Variants in PGCKA1 observed in about 807,000 individuals in gnomAD.
The protein encoded by PGCKA1 is PDCD10 and GCKIII kinases-associated protein 1.
the PGCKA1 span, among the ~76,000 whole-genome samples, chr4:37,504,199 C>T: frequency 2.0e-5 from 3 of 151,974 alleles, no homozygotes; most frequent in East Asian, 1.9e-4. Context: ...TCATTGCCAA[C>T]GTACACTCTT....
the PGCKA1 span, among the ~76,000 whole-genome samples, chr4:37,546,456 G>A: frequency 6.6e-6 from 1 of 152,234 alleles, no homozygotes; most frequent in African/African-American, 2.4e-5. Flanking sequence ...ACCAGTGCAT[G>A]AAACACCTGT....
the PGCKA1 span, among the ~76,000 whole-genome samples, chr4:37,585,040 A>T: frequency 7.4e-6 from 1 of 134,528 alleles, no homozygotes. Flanking sequence ...TATCCTCCTG[A>T]CTAGTTGTTG....
the PGCKA1 span, among the ~76,000 whole-genome samples, chr4:37,466,281 A>C: frequency 6.6e-6 from 1 of 152,200 alleles, no homozygotes; most frequent in South Asian, 2.1e-4. Flanking sequence ...TGAAATATTA[A>C]TGAAATATAA....
At chr4:37,530,923 T>G in the PGCKA1 span, among the ~76,000 whole-genome samples, 2 of 152,000 alleles carry the variant, frequency 1.3e-5, no homozygotes, top group Non-Finnish European at 1.5e-5. Flanking sequence ...AGGCAGAGGT[T>G]GCAGTGAGCC....
chr4:37,535,238 G>A, the PGCKA1 span, among the ~76,000 whole-genome samples: 9 of 152,146 alleles, frequency 5.9e-5, no homozygotes, highest in Non-Finnish European at 1.0e-4. Context: ...TGAAAGAATC[G>A]AGGGCTGGGC....
chr4:37,496,845 T>C, the PGCKA1 span, among the ~76,000 whole-genome samples: 1 of 152,222 alleles, frequency 6.6e-6, no homozygotes, highest in Non-Finnish European at 1.5e-5. Context: ...AGGTATTTTA[T>C]TCTTTTTGTG....
At chr4:37,479,646 C>T in the PGCKA1 span, among the ~76,000 whole-genome samples, 62,742 of 151,930 alleles carry the variant, frequency 0.41, 13,111 homozygotes, top group East Asian at 0.49. Flanking sequence ...TGCAAAGGCT[C>T]GGTGGCAGGC....
At chr4:37,533,477 C>G in the PGCKA1 span, among the ~76,000 whole-genome samples, 1 of 152,214 alleles carries the variant, frequency 6.6e-6, no homozygotes, top group East Asian at 1.9e-4. Flanking sequence ...ATCGTTTCCA[C>G]AAACTATGTT....
At chr4:37,590,735 A>G in the PGCKA1 span, 3 of 1,614,214 alleles carry the variant, frequency 1.9e-6, no homozygotes, top group Non-Finnish European at 2.5e-6. Flanking sequence ...GTGGGGGAGC[A>G]TGGTTTGAAT....
chr4:37,505,392 T>C, the PGCKA1 span, among the ~76,000 whole-genome samples: 1 of 152,220 alleles, frequency 6.6e-6, no homozygotes, highest in Non-Finnish European at 1.5e-5. Flanking sequence ...TTTTTGTTTT[T>C]GATGTGTCTT....
At chr4:37,522,050 T>C in the PGCKA1 span, among the ~76,000 whole-genome samples, 12,522 of 152,266 alleles carry the variant, frequency 0.082, 658 homozygotes, top group Middle Eastern at 0.14. Flanking sequence ...CAAGATTCCA[T>C]TGGGTCTCAC....
At chr4:37,547,912 T>G in the PGCKA1 span, among the ~76,000 whole-genome samples, 1 of 151,184 alleles carries the variant, frequency 6.6e-6, no homozygotes, top group Non-Finnish European at 1.5e-5. Flanking sequence ...TAACATGTAT[T>G]ATGGTAACTT....
chr4:37,553,417 C>A, the PGCKA1 span, among the ~76,000 whole-genome samples: 4 of 152,100 alleles, frequency 2.6e-5, no homozygotes, highest in Non-Finnish European at 4.4e-5. Context: ...CTTAGAAGGA[C>A]TTCTTTGTAT....
chr4:37,505,966 C>T, the PGCKA1 span, among the ~76,000 whole-genome samples: 3 of 152,174 alleles, frequency 2.0e-5, no homozygotes, highest in African/African-American at 4.8e-5. Context: ...TCTCATTAAT[C>T]GTTATTGGTC....
the PGCKA1 span, among the ~76,000 whole-genome samples, chr4:37,583,658 C>T: frequency 3.3e-5 from 5 of 152,100 alleles, no homozygotes; most frequent in East Asian, 7.7e-4. Context: ...AGGATGGTCT[C>T]GATCTCCTGA....
At chr4:37,459,666 ATCAGAACCTGCATTTTAACAGGATC>A in the PGCKA1 span, among the ~76,000 whole-genome samples, 1 of 152,190 alleles carries the variant, frequency 6.6e-6, no homozygotes, top group African/African-American at 2.4e-5. Flanking sequence ...AGTCTACTGA[ATCAGAACCTGCATTTTAACAGGATC>A]TCCCAGATGA....
chr4:37,528,964 A>T, the PGCKA1 span, among the ~76,000 whole-genome samples: 1 of 152,232 alleles, frequency 6.6e-6, no homozygotes, highest in African/African-American at 2.4e-5. Context: ...CTATTACTTC[A>T]GAAAATTCAA....
chr4:37,570,104 C>G, the PGCKA1 span, among the ~76,000 whole-genome samples: 3 of 149,956 alleles, frequency 2.0e-5, no homozygotes, highest in African/African-American at 7.4e-5. Flanking sequence ...CTCAGCCTCC[C>G]GAGTAGCTGG....
the PGCKA1 span, among the ~76,000 whole-genome samples, chr4:37,473,676 A>G: frequency 3.0e-4 from 46 of 152,098 alleles, no homozygotes; most frequent in Non-Finnish European, 5.3e-4. Flanking sequence ...TCTCCTTGCT[A>G]TCTCCCATTC....
Sources: gnomAD v4.1 joint callset for allele counts (sites outside exome capture counted in the v4.1 genomes callset) on GRCh38, gnomAD v4.1.1 for gene constraint, MANE v1.5 for transcripts, NCBI Gene and HGNC (gene_info 2026-07-23, HGNC 2026-07-21) for gene names.